Variants in IL23R observed in about 807,000 individuals in gnomAD.
IL23R encodes the protein interleukin 23 receptor.
Under a neutral mutation model 56.9 loss-of-function variants are expected in IL23R, and 34 were observed. That is an observed-to-expected ratio of 0.60 (90% CI 0.45 to 0.80). The LOEUF is 0.80. IL23R is among the 30% of genes least tolerant of loss of function. The probability of loss-of-function intolerance (pLI) is 0.00; values close to 1 mark genes in which losing one functional copy is unlikely to be tolerated. For synonymous variants in IL23R, 230 were observed against 249.2 expected, an observed-to-expected ratio of 0.92 and a Z score of 0.73; for missense variants, 635 against 730.0, an observed-to-expected ratio of 0.87 and a Z score of 1.50.
chr1:67,170,312 C>A (rs551352123), intron 3 of IL23R, among the ~76,000 whole-genome samples: 2 of 152,136 alleles, frequency 1.3e-5, no homozygotes, highest in Non-Finnish European at 2.9e-5. Context: ...AAAAATGCAT[C>A]CTTTTGATAA....
chr1:67,205,218 C>T lies in IL23R; in HGVS notation c.653-1692C>T, dbSNP rs540037097. 5.9e-5 allele frequency among the ~76,000 whole-genome samples: 9 copies of T among 152,228 alleles called. No homozygotes were observed. In the South Asian group the frequency reaches 1.9e-3, roughly 32 times the overall value. Reference sequence around the variant, plus strand: ...CTACTTCTACGCCAGGTGTAGCCCCCAAAATTTTATTAGAGGACTGTGTTA... The same window carrying T: ...CTACTTCTACGCCAGGTGTAGCCCCTAAAATTTTATTAGAGGACTGTGTTA... On this transcript the variant is annotated intron_variant, in intron 5 of 10. Coordinates refer to ENST00000347310, the MANE Select transcript of IL23R (RefSeq NM_144701.3).
chr1:67,181,736 GCT>G (rs1473866011), intron 3 of IL23R, among the ~76,000 whole-genome samples: 3 of 148,902 alleles, frequency 2.0e-5, no homozygotes, highest in African/African-American at 4.9e-5. Flanking sequence ...CAGTTTTTCT[GCT>G]CTGTTCTTTC....
At chr1:67,198,244 A>G (rs1648321050) in intron 4 of IL23R, among the ~76,000 whole-genome samples, 1 of 152,210 alleles carries the variant, frequency 6.6e-6, no homozygotes, top group Non-Finnish European at 1.5e-5. Flanking sequence ...GGTGGAAACA[A>G]TATCAAATCT....
upstream of IL23R, among the ~76,000 whole-genome samples, chr1:67,163,431 T>C (rs953964617): frequency 7.8e-5 from 9 of 114,842 alleles, no homozygotes; most frequent in Admixed American, 1.3e-4. Context: ...ATCATGCCAC[T>C]GCACTCCAGC....
At chr1:67,229,075 G>C (rs1385947410) in intron 7 of IL23R, among the ~76,000 whole-genome samples, 1 of 152,190 alleles carries the variant, frequency 6.6e-6, no homozygotes, top group Non-Finnish European at 1.5e-5. Context: ...GACACCAGCT[G>C]TGTGTCCTCC....
At chr1:67,164,581 G>A (rs551554089), upstream of IL23R, among the ~76,000 whole-genome samples, 12 of 151,938 alleles carry the variant, frequency 7.9e-5, 1 homozygote, top group South Asian at 1.7e-3. Flanking sequence ...GCAGTGAGCC[G>A]AGATTGTGCC....
At chr1:67,168,290 C>T in intron 2 of IL23R, 100 bp downstream of exon 2, 1 of 942,020 alleles carries the variant, frequency 1.1e-6, no homozygotes, top group Non-Finnish European at 1.7e-6. Context: ...CTGAAGAATA[C>T]AAATATTATT....
intron 3 of IL23R, among the ~76,000 whole-genome samples, chr1:67,181,562 T>G (rs1405438570): frequency 6.6e-6 from 1 of 152,208 alleles, no homozygotes; most frequent in African/African-American, 2.4e-5. Flanking sequence ...TTTTAACTTC[T>G]TTGCCATGGG....
At position 67,243,762 on chromosome 1, in the gene IL23R, A is replaced by G. The variant is rs575021108; in HGVS notation, c.1148+3481A>G. ...CTTTGCTATTGTGAACAGTGCTGCAATAAACATACATGTGCATGTGTCTTT... is the reference window on the plus strand; with the variant it reads ...CTTTGCTATTGTGAACAGTGCTGCAGTAAACATACATGTGCATGTGTCTTT... On this transcript the variant is annotated intron_variant, in intron 9 of 10. Transcript: ENST00000347310. Among the ~76,000 whole-genome samples the G allele has an allele frequency of 5.8e-4, 89 of 152,302 alleles. 1 individual carries two copies. Among genetic ancestry groups the G allele is most frequent in the African/African-American group, 2.1e-3 (87 of 41,554 alleles).
chr1:67,197,943 G>A (rs11209016), intron 4 of IL23R, among the ~76,000 whole-genome samples: 94 of 43,788 alleles, frequency 2.1e-3, no homozygotes, highest in Admixed American at 3.3e-3. Flanking sequence ...CATTAAAAAA[G>A]AAAAGAAAAG....
intron 4 of IL23R, among the ~76,000 whole-genome samples, chr1:67,183,875 T>C (rs1647200728): frequency 6.6e-6 from 1 of 152,148 alleles, no homozygotes; most frequent in African/African-American, 2.4e-5. Context: ...CCTGGAAAGT[T>C]GTGGGCAAAC....
intron 3 of IL23R, among the ~76,000 whole-genome samples, chr1:67,177,580 C>T (rs1212428466): frequency 6.6e-6 from 1 of 151,754 alleles, no homozygotes; most frequent in Non-Finnish European, 1.5e-5. Flanking sequence ...CCTGTTCACT[C>T]TGATGGTAGT....
intron 1 of IL23R, among the ~76,000 whole-genome samples, chr1:67,147,660 T>C (rs372821667): frequency 6.6e-6 from 1 of 151,896 alleles, no homozygotes; most frequent in Non-Finnish European, 1.5e-5. Flanking sequence ...AGATCATGCA[T>C]GCCACTGCAC....
Position 67,182,019 on chromosome 1 carries a change from A to G in IL23R, c.368-817A>G, listed in dbSNP as rs548739114. Among the ~76,000 whole-genome samples the G allele has an allele frequency of 2.7e-4, 41 of 152,274 alleles. 1 individual carries two copies. In the South Asian group the frequency reaches 8.5e-3, roughly 32 times the overall value. On this transcript the variant is annotated intron_variant, in intron 3 of 10. Coordinates refer to ENST00000347310, the MANE Select transcript of IL23R (RefSeq NM_144701.3). The stretch of plus-strand genomic sequence containing the variant: ...TTTTGTCTCAGAGGAGTACCTGGCC[A>G]TGTGACGTGTCAGTCTGCCCCTACT...
intron 3 of IL23R, among the ~76,000 whole-genome samples, chr1:67,180,047 T>C (rs1024535226): frequency 6.6e-6 from 1 of 151,766 alleles, no homozygotes; most frequent in East Asian, 1.9e-4. Context: ...GACTATGTGG[T>C]CAATTTGGAA....
Position 67,200,814 on chromosome 1 carries a change from AGAAGTACTT to A in IL23R, c.571_579del (p.Lys191_Leu193del). 1 of 1,614,148 alleles carries A rather than the reference AGAAGTACTT, an allele frequency of 6.2e-7. No individual in the cohort carries two copies. The highest frequency in any genetic ancestry group is 1.7e-5 in the Admixed American group (1 of 60,018). ...TCCACTGATTCATTACAAGGTGGCA[AGAAGTACTT>A]GGTTTGGGTCCAAGCAGCAAACGCA... is the stretch of plus-strand genomic sequence containing the variant. On this transcript the variant is annotated inframe_deletion, in exon 5 of 11. Transcript: ENST00000347310.
At chr1:67,233,539 G>A (rs531478790) in intron 7 of IL23R, among the ~76,000 whole-genome samples, 1 of 152,218 alleles carries the variant, frequency 6.6e-6, no homozygotes, top group South Asian at 2.1e-4. Context: ...AACTAGCCTG[G>A]TGTTTTGGTA....
At chr1:67,163,066 A>G (rs1317041571), upstream of IL23R, among the ~76,000 whole-genome samples, 1 of 152,178 alleles carries the variant, frequency 6.6e-6, no homozygotes, top group African/African-American at 2.4e-5. Flanking sequence ...CTCACAGGAA[A>G]TGGTGATGAT....
At chr1:67,228,601 T>A (rs895856578) in intron 7 of IL23R, among the ~76,000 whole-genome samples, 11 of 152,126 alleles carry the variant, frequency 7.2e-5, no homozygotes, top group Non-Finnish European at 1.5e-4. Flanking sequence ...CATGAATTTA[T>A]TATCTTATAG....
Sources: gnomAD v4.1 joint callset for allele counts (sites outside exome capture counted in the v4.1 genomes callset) on GRCh38, gnomAD v4.1.1 for gene constraint, MANE v1.5 for transcripts, NCBI Gene and HGNC (gene_info 2026-07-23, HGNC 2026-07-21) for gene names.